Variants in PRDM16 observed in about 807,000 individuals in gnomAD.
PRDM16 encodes histone-lysine N-methyltransferase PRDM16.
A neutral mutation model predicts 110.6 loss-of-function variants in PRDM16; 23 were observed. That is an observed-to-expected ratio of 0.21 (90% CI 0.15 to 0.29). The LOEUF (loss-of-function observed/expected upper bound fraction) is 0.29, where lower values mean the gene tolerates loss of function less well. Among genes scored for constraint, PRDM16 ranks in the 10% least tolerant of loss-of-function variants. PRDM16 has a pLI of 1.00. For synonymous variants in PRDM16, 799 were observed against 781.8 expected, an observed-to-expected ratio of 1.02 and a Z score of -0.37; for missense variants, 1,615 against 1,794.3, an observed-to-expected ratio of 0.90 and a Z score of 1.81.
At chr1:3,321,325 CGTGT>C (rs141202020) in intron 3 of PRDM16, among the ~76,000 whole-genome samples, 2 of 150,664 alleles carry the variant, frequency 1.3e-5, no homozygotes, top group African/African-American at 2.4e-5. Flanking sequence ...TGTGTGGGTC[CGTGT>C]GTGTGTGTAC....
At chr1:3,277,683 C>T (rs772789816) in intron 3 of PRDM16, among the ~76,000 whole-genome samples, 6 of 152,208 alleles carry the variant, frequency 3.9e-5, no homozygotes, top group African/African-American at 1.4e-4. Context: ...ACAGAGCTCC[C>T]GGAGCAGGGG....
chr1:3,355,168 G>T (rs561932522), intron 3 of PRDM16, among the ~76,000 whole-genome samples: 160 of 152,280 alleles, frequency 1.1e-3, no homozygotes, highest in African/African-American at 3.8e-3. Context: ...AGACCTGAAG[G>T]TGTGCCGGGG....
In PRDM16 at chr1:3,437,732, C is replaced by T. The variant is rs565252814; in HGVS notation, c.*3921C>T. On this transcript the variant is annotated 3_prime_UTR_variant, in exon 17 of 17. Coordinates refer to ENST00000270722, the MANE Select transcript of PRDM16 (RefSeq NM_022114.4). ...GTTTTGTTCTTTTCTGTCACTGATC[C>T]GTATTACCACTTTTGGAAAAAAATA... 4.5e-5 allele frequency: 10 copies of T among 221,508 alleles called. No homozygotes were observed. The South Asian group carries it at 1.1e-3, about 25-fold the overall frequency. The allele number at this position is 221,508 out of a possible 1,614,324, so 13.7% of individuals were successfully genotyped here.
rs1642679538 is a variant in PRDM16, at chr1:3,359,815, T to C, written c.439-25337T>C. Among the ~76,000 whole-genome samples the C allele has an allele frequency of 6.8e-6, 1 of 147,034 alleles. No homozygotes were observed. Among genetic ancestry groups the C allele is most frequent in the African/African-American group, 2.7e-5 (1 of 36,660 alleles). ...CGAGCCTGGCCTGAAACCACGCCCG[T>C]GCTCAAAGTGATGTTTACTTAGAAG... On this transcript the variant is annotated intron_variant, in intron 3 of 16. Coordinates refer to ENST00000270722, the MANE Select transcript of PRDM16 (RefSeq NM_022114.4). The surrounding 1 kb of genome is among the most constrained non-coding windows in gnomAD (Gnocchi z 4.3).
At chr1:3,223,133 CAG>C (rs1639213582) in intron 2 of PRDM16, among the ~76,000 whole-genome samples, 1 of 92,616 alleles carries the variant, frequency 1.1e-5, no homozygotes, top group Non-Finnish European at 1.8e-5. Flanking sequence ...TTTTTTGAGA[CAG>C]AGTCTTGCTC....
chr1:3,381,842 GAGAC>G (rs1643107576), intron 3 of PRDM16, among the ~76,000 whole-genome samples: 2 of 152,232 alleles, frequency 1.3e-5, no homozygotes, highest in Non-Finnish European at 2.9e-5. Flanking sequence ...GAGAGATACA[GAGAC>G]AGACAGAGAG....
In PRDM16 at chr1:3,358,084, C is replaced by G. The variant is rs1395092559; in HGVS notation, c.439-27068C>G. ...CTGGCTAACGGCGGTGCCCAGTGGC[C>G]TGGCCTCACGCGTGGGTCCATCCCG... is the stretch of plus-strand genomic sequence containing the variant. On this transcript the variant is annotated intron_variant, in intron 3 of 16. Coordinates refer to ENST00000270722, the MANE Select transcript of PRDM16 (RefSeq NM_022114.4). The surrounding 1 kb of genome is among the most constrained non-coding windows in gnomAD (Gnocchi z 4.0). 6.6e-6 allele frequency among the ~76,000 whole-genome samples: 1 copy of G among 152,232 alleles called. No individual in the cohort carries two copies. Among genetic ancestry groups the G allele is most frequent in the Non-Finnish European group, 1.5e-5 (1 of 68,044 alleles).
At chr1:3,219,352 G>A (rs1322809846) in intron 2 of PRDM16, among the ~76,000 whole-genome samples, 1 of 152,156 alleles carries the variant, frequency 6.6e-6, no homozygotes, top group South Asian at 2.1e-4. Context: ...CAGGGCAGCG[G>A]GCCCAGAAAC....
rs145970642 is a variant in PRDM16, at chr1:3,097,570, G to T, written c.37+28274G>T. Among the ~76,000 whole-genome samples the T allele has an allele frequency of 2.4e-3, 359 of 152,256 alleles. 3 individuals carry two copies. The highest frequency in any genetic ancestry group is 5.4e-3 in the Admixed American group (82 of 15,300). On this transcript the variant is annotated intron_variant, in intron 1 of 16. Transcript: ENST00000270722. Reference sequence around the variant, plus strand: ...CTTAAAAATGAATTCTTCTCCACTCGCACCTCCAAAAGCTCAGCCTCCAGT... The same window carrying T: ...CTTAAAAATGAATTCTTCTCCACTCTCACCTCCAAAAGCTCAGCCTCCAGT...
intron 1 of PRDM16, among the ~76,000 whole-genome samples, chr1:3,072,183 C>A (rs1481424577): frequency 6.6e-6 from 1 of 152,154 alleles, no homozygotes; most frequent in South Asian, 2.1e-4. Context: ...GCTGCTGCAG[C>A]CCCACATTTA....
At chr1:3,277,223 C>G (rs926432247) in intron 3 of PRDM16, among the ~76,000 whole-genome samples, 2 of 152,170 alleles carry the variant, frequency 1.3e-5, no homozygotes, top group Admixed American at 1.3e-4. Context: ...TGGACGTGGC[C>G]GGCCCCATGC....
intron 1 of PRDM16, among the ~76,000 whole-genome samples, chr1:3,126,900 C>T (rs890830767): frequency 3.3e-5 from 5 of 152,188 alleles, no homozygotes; most frequent in African/African-American, 7.2e-5. Flanking sequence ...CTGTCTGTTC[C>T]GGCAAACTTT....
intron 1 of PRDM16, among the ~76,000 whole-genome samples, chr1:3,153,128 C>T (rs1643805295): frequency 6.6e-6 from 1 of 152,222 alleles, no homozygotes; most frequent in African/African-American, 2.4e-5. Flanking sequence ...CAGGGGTTGC[C>T]CCCACCTGGC....
intron 1 of PRDM16, among the ~76,000 whole-genome samples, chr1:3,126,070 C>T (rs566034970): frequency 6.6e-6 from 1 of 152,336 alleles, no homozygotes; most frequent in African/African-American, 2.4e-5. Context: ...CTTAGGTAAT[C>T]CTCTCCCTCT....
chr1:3,203,936 G>A (rs1638690843), intron 2 of PRDM16, among the ~76,000 whole-genome samples: 1 of 152,194 alleles, frequency 6.6e-6, no homozygotes, highest in African/African-American at 2.4e-5. Context: ...GTGCCCCAGT[G>A]CACACCTGGT....
At chr1:3,402,093 C>T (rs564425528) in intron 5 of PRDM16, among the ~76,000 whole-genome samples, 49 of 152,388 alleles carry the variant, frequency 3.2e-4, no homozygotes, top group African/African-American at 9.6e-4. Context: ...AAGACGCCCC[C>T]GTGCACTCAC....
At chr1:3,123,971 C>A (rs1198170188) in intron 1 of PRDM16, among the ~76,000 whole-genome samples, 1 of 152,216 alleles carries the variant, frequency 6.6e-6, no homozygotes, top group Non-Finnish European at 1.5e-5. Flanking sequence ...CAGATGCGCA[C>A]CCCACGCCGT....
At chr1:3,259,134 C>T (rs568960803) in intron 3 of PRDM16, among the ~76,000 whole-genome samples, 1 of 152,318 alleles carries the variant, frequency 6.6e-6, no homozygotes, top group African/African-American at 2.4e-5. Flanking sequence ...CAGGGATGAG[C>T]AGTACCTCCG....
rs1367905662 is a variant in PRDM16, at chr1:3,114,301, GCACGCACACA to G, written c.37+45017_37+45026del. Among the ~76,000 whole-genome samples, 81 of 110,356 alleles carry G rather than the reference GCACGCACACA, an allele frequency of 7.3e-4. 1 individual carries two copies. The highest frequency in any genetic ancestry group is 2.4e-3 in the African/African-American group (69 of 28,764). The allele number at this position is 110,356 out of a possible 152,430, so 72.4% of individuals were successfully genotyped here. A position where few individuals can be genotyped will look rare whatever the true frequency, so the allele number is the denominator to read the frequency against. On this transcript the variant is annotated intron_variant, in intron 1 of 16. Transcript: ENST00000270722. ...GCACACACGCAGTGGAAACGCACAC[GCACGCACACA>G]CACGCACACACGCAGTGTAAACAGA...
Sources: allele counts gnomAD v4.1 joint callset (sites outside exome capture counted in the v4.1 genomes callset), GRCh38; gene constraint gnomAD v4.1.1; non-coding constraint Gnocchi (gnomAD v3.1); transcripts MANE v1.5; gene names NCBI Gene and HGNC (gene_info 2026-07-23, HGNC 2026-07-21).